RHCG: variants seen among roughly 807,000 people sequenced by gnomAD.
RHCG encodes the protein Rh family C glycoprotein, also known as ammonium transporter Rh type C.
In RHCG, 39 loss-of-function variants were observed where a neutral mutation model predicts 55.3. The ratio of observed to expected loss-of-function variants is 0.70; its 90% CI spans 0.55 to 0.92. The LOEUF is 0.92. Ranked by LOEUF, RHCG falls within the 40% of genes least tolerant of loss-of-function variation. RHCG has a pLI of 0.00. For synonymous variants in RHCG, 250 were observed against 246.8 expected (o/e 1.01, Z -0.12); for missense variants, 635 against 627.9 (o/e 1.01, Z -0.12).
chr15:89,479,519 G>C, intron 4 of RHCG, 31 bp from the exon 5 acceptor site: 1 of 1,580,538 alleles, frequency 6.3e-7, no homozygotes, highest in Non-Finnish European at 8.6e-7. Flanking sequence ...CAATGGGCCC[G>C]GGAGGAGAGG....
rs16943217 is a variant in RHCG at position 89,484,859 on chromosome 15, C to T, written c.372-1642G>A. Reference sequence around the variant, plus strand: ...CTATCAGCATTTGGGAGATGGAGATCCAGATGCCACATCTCAGGAGGGCCG... The same window carrying T: ...CTATCAGCATTTGGGAGATGGAGATTCAGATGCCACATCTCAGGAGGGCCG... On this transcript the variant is annotated intron_variant, in intron 2 of 10. Coordinates refer to ENST00000268122, the MANE Select transcript of RHCG (RefSeq NM_016321.3). 7.2e-3 allele frequency among the ~76,000 whole-genome samples: 1,086 copies of T among 151,856 alleles called. 19 individuals carry two copies. The highest frequency in any genetic ancestry group is 0.041 in the East Asian group (214 of 5,164).
chr15:89,483,042 C>T, intron 3 of RHCG, 25 bp downstream of exon 3: 1 of 1,542,402 alleles, frequency 6.5e-7, no homozygotes, highest in South Asian at 1.2e-5. Flanking sequence ...CCCACCACCT[C>T]ATCCCCATTC....
chr15:89,481,943 A>C (rs575795104), intron 3 of RHCG, among the ~76,000 whole-genome samples: 1 of 152,290 alleles, frequency 6.6e-6, no homozygotes, highest in Non-Finnish European at 1.5e-5. Context: ...CTGGGATTAC[A>C]GGCATGCGCC....
At position 89,480,361 on chromosome 15, in the gene RHCG, G is replaced by C; in HGVS notation, c.570C>G (p.Tyr190Ter). The C allele has an allele frequency of 1.2e-6, 2 of 1,614,156 alleles. No individual in the cohort carries two copies. The highest frequency in any genetic ancestry group is 1.7e-6 in the Non-Finnish European group (2 of 1,180,000). The change falls in exon 4 of 11, where the codon TAC (tyrosine) becomes TAG (stop). Residue 190 changes from tyrosine (Y) to a stop codon, truncating the protein, a stop_gained. Transcript: ENST00000268122. LOFTEE classifies it high-confidence loss of function. The part of the protein sequence containing the change: ...GSMTIHTFGA[Y>*]FGLTVTRILY... ...GGATCCGGGTCACTGTGAGCCCAAAGTAGGCGCCAAATGTGTGGATGGTCA... is the reference window on the plus strand; with the variant it reads ...GGATCCGGGTCACTGTGAGCCCAAACTAGGCGCCAAATGTGTGGATGGTCA...
rs200634957 is a variant in RHCG at position 89,496,489 on chromosome 15, T to C, written c.56A>G (p.Gln19Arg). The C allele has an allele frequency of 1.2e-6, 2 of 1,613,748 alleles. No homozygotes were observed. Among genetic ancestry groups the C allele is most frequent in the Admixed American group, 3.3e-5 (2 of 60,028 alleles). Residue 19 changes from glutamine to arginine, a missense_variant, in exon 1 of 11, where the codon CAG (glutamine) becomes CGG (arginine). Transcript: ENST00000268122. ...CCCGAAGAGAATCACCATAATCACC[T>C]GCAGGAGCAGGCAGGTGAGCGGCAG... ...WRLPLTCLLL[Q>R]VIMVILFGVF... is the part of the protein sequence containing the mutation.
In RHCG at chr15:89,483,195, C is replaced by T. The variant is rs543708260; in HGVS notation, c.394G>A (p.Val132Met). 33 of 1,581,518 alleles carry T rather than the reference C, an allele frequency of 2.1e-5. 1 individual carries two copies. The highest frequency in any genetic ancestry group is 8.0e-5 in the African/African-American group (6 of 74,574). The change falls in exon 3 of 11, where the codon GTG becomes ATG. Residue 132 changes from valine (V) to methionine (M), a missense_variant. Val to Met is a conservative substitution (Grantham distance 21). Transcript: ENST00000268122. ...VENLINADFC[V>M]ASVCVAFGAV... Reference sequence around the variant, plus strand: ...CCAAAGGCCACGCAGACAGAGGCCACGCAGAAGTCAGCGTTGATGAGGCTG... The same window carrying T: ...CCAAAGGCCACGCAGACAGAGGCCATGCAGAAGTCAGCGTTGATGAGGCTG...
intron 5 of RHCG, among the ~76,000 whole-genome samples, chr15:89,478,958 G>A (rs549829259): frequency 1.3e-5 from 2 of 152,188 alleles, no homozygotes; most frequent in East Asian, 3.9e-4. Context: ...AACTTAGCTG[G>A]GCGTGGTAGC....
chr15:89,478,117 G>A, intron 5 of RHCG, 143 bp from the exon 6 acceptor site: 1 of 1,099,310 alleles, frequency 9.1e-7, no homozygotes, highest in Non-Finnish European at 1.3e-6. Flanking sequence ...CAGCAAGCCA[G>A]GAGCCTGCAG....
intron 10 of RHCG, 87 bp downstream of exon 10, chr15:89,472,624 C>T: frequency 2.2e-5 from 30 of 1,335,586 alleles, no homozygotes; most frequent in Non-Finnish European, 2.9e-5. Flanking sequence ...TTGCTTTTTG[C>T]CTCTTTGCTA....
At chr15:89,488,706 T>G (rs1961417717) in intron 1 of RHCG, among the ~76,000 whole-genome samples, 1 of 148,342 alleles carries the variant, frequency 6.7e-6, no homozygotes, top group Admixed American at 6.8e-5. Flanking sequence ...TTAAAAGACA[T>G]GACAAAAGGT....
Position 89,483,132 on chromosome 15 carries a change from T to C in RHCG, c.457A>G (p.Ile153Val). 6.2e-7 allele frequency: 1 copy of C among 1,608,526 alleles called. No homozygotes were observed. Among genetic ancestry groups the C allele is most frequent in the South Asian group, 1.1e-5 (1 of 90,818 alleles). ...LGKVSPIQLL[I>V]MTFFQVTLFA... ...AGGGTCACTTGGAAGAAAGTCATGA[T>C]GAGCAGCTGAATGGGGCTGACTTTA... The change falls in exon 3 of 11, where the codon ATC becomes GTC. Residue 153 changes from isoleucine (I) to valine (V), a missense_variant. Physicochemically the swap from Ile to Val is conservative, Grantham distance 29 (BLOSUM62 3). Transcript: ENST00000268122.
chr15:89,484,368 C>T (rs1419606435), intron 2 of RHCG, among the ~76,000 whole-genome samples: 1 of 152,176 alleles, frequency 6.6e-6, no homozygotes, highest in Non-Finnish European at 1.5e-5. Flanking sequence ...ACAAGACAGG[C>T]ACTGTCATTA....
Position 89,486,599 on chromosome 15 carries a change from A to AGAGAGAGAGTGTGT in RHCG, c.371+199_371+200insACACACTCTCTCTC. ...GAGAGAGAGAGAGAGAGAGAGAGAG[A>AGAGAGAGAGTGTGT]GTGTGTGTGTGTGTGTGTGTGTGTG... On this transcript the variant is annotated intron_variant, in intron 2 of 10. Coordinates refer to ENST00000268122, the MANE Select transcript of RHCG (RefSeq NM_016321.3). 69 of 264,446 alleles carry AGAGAGAGAGTGTGT rather than the reference A, an allele frequency of 2.6e-4. 1 individual carries two copies. Among genetic ancestry groups the AGAGAGAGAGTGTGT allele is most frequent in the Non-Finnish European group, 4.2e-4 (58 of 139,562 alleles). The allele number at this position is 264,446 out of a possible 1,614,324, so 16.4% of individuals were successfully genotyped here.
Position 89,486,804 on chromosome 15 carries a change from C to T in RHCG, c.366G>A (p.Val122=). ...GGGGCCCGCCCTGCGCTCACTTCTC[C>T]ACGCCCACGACGATGTAGCGGTCTT... is the stretch of plus-strand genomic sequence containing the variant. ...FLQDRYIVVG[V]ENLINADFCV... is the part of the protein sequence containing the mutation. The change falls in exon 2 of 11, where the codon GTG becomes GTA. Residue 122 remains valine, a synonymous_variant. Transcript: ENST00000268122. 2 of 1,588,216 alleles carry T rather than the reference C, an allele frequency of 1.3e-6. No individual in the cohort carries two copies. The highest frequency in any genetic ancestry group is 1.1e-5 in the South Asian group (1 of 89,080).
At chr15:89,480,687 A>AG (rs1338641275) in intron 3 of RHCG, among the ~76,000 whole-genome samples, 1 of 152,146 alleles carries the variant, frequency 6.6e-6, no homozygotes, top group Non-Finnish European at 1.5e-5. Context: ...ATACTGCTGG[A>AG]GGAGGTAAGG....
At chr15:89,495,365 T>C (rs1122571) in intron 1 of RHCG, among the ~76,000 whole-genome samples, 1 of 152,168 alleles carries the variant, frequency 6.6e-6, no homozygotes, top group East Asian at 1.9e-4. Context: ...CCAGTTGATA[T>C]AGGCGGCTGC....
At chr15:89,480,552 C>A (rs141501412) in intron 3 of RHCG, 144 bp from the exon 4 acceptor site, 2 of 928,792 alleles carry the variant, frequency 2.2e-6, no homozygotes, top group Non-Finnish European at 1.6e-6. Flanking sequence ...GGGGCCTTCA[C>A]GGACCAATCA....
intron 2 of RHCG, 95 bp from the exon 3 acceptor site, chr15:89,483,312 G>T: frequency 8.4e-7 from 1 of 1,196,816 alleles, no homozygotes; most frequent in Non-Finnish European, 1.1e-6. Flanking sequence ...TGGGCTTGTG[G>T]CTTAACCTTT....
At position 89,477,490 on chromosome 15, in the gene RHCG, A is replaced by G; in HGVS notation, c.1112+27T>C. The G allele has an allele frequency of 6.2e-7, 1 of 1,611,998 alleles. No individual in the cohort carries two copies. The highest frequency in any genetic ancestry group is 8.5e-7 in the Non-Finnish European group (1 of 1,178,830). On this transcript the variant is annotated intron_variant, in intron 7 of 10. Coordinates refer to ENST00000268122, the MANE Select transcript of RHCG (RefSeq NM_016321.3). The surrounding 1 kb of genome is among the most constrained non-coding windows in gnomAD (Gnocchi z 4.5). ...ATGGGAGAAGGAAGGGGGAAGCTCC[A>G]TCCCACCGCACCTCCTCCACATTTA...
Sources: allele counts gnomAD v4.1 joint callset (sites outside exome capture counted in the v4.1 genomes callset), GRCh38; gene constraint gnomAD v4.1.1; non-coding constraint Gnocchi (gnomAD v3.1); transcripts MANE v1.5; gene names NCBI Gene and HGNC (gene_info 2026-07-23, HGNC 2026-07-21).